TRPC4: variants seen among roughly 807,000 people sequenced by gnomAD.
TRPC4 encodes transient receptor potential cation channel subfamily C member 4.
A neutral mutation model predicts 99.4 loss-of-function variants in TRPC4; 49 were observed. The ratio of observed to expected loss-of-function variants is 0.49; its 90% CI spans 0.39 to 0.63. TRPC4 has a LOEUF of 0.63. Among genes scored for constraint, TRPC4 ranks in the 20% least tolerant of loss-of-function variants. TRPC4 has a pLI of 0.00. For synonymous variants in TRPC4, 454 were observed against 425.9 expected, an observed-to-expected ratio of 1.07 and a Z score of -0.81; for missense variants, 898 against 1,152.9, an observed-to-expected ratio of 0.78 and a Z score of 3.20.
At chr13:37,806,722 C>T (rs907062744) in intron 1 of TRPC4, among the ~76,000 whole-genome samples, 6 of 151,954 alleles carry the variant, frequency 3.9e-5, no homozygotes, top group African/African-American at 1.4e-4. Flanking sequence ...GAGTAGTCTT[C>T]GAAGCAAAAC....
chr13:37,683,866 G>A (rs1490861902), intron 4 of TRPC4, among the ~76,000 whole-genome samples: 1 of 152,130 alleles, frequency 6.6e-6, no homozygotes, highest in East Asian at 1.9e-4. Context: ...AGATCTTTAA[G>A]CTTATAAAAT....
chr13:37,719,246 G>C (rs989034237), intron 3 of TRPC4, among the ~76,000 whole-genome samples: 1 of 152,144 alleles, frequency 6.6e-6, no homozygotes, highest in Non-Finnish European at 1.5e-5. Context: ...TACGTTGGAG[G>C]CTGAGGTGGG....
chr13:37,659,752 T>C (rs934584129), intron 6 of TRPC4, among the ~76,000 whole-genome samples: 18 of 151,892 alleles, frequency 1.2e-4, no homozygotes, highest in Non-Finnish European at 2.1e-4. Flanking sequence ...GCCAAGATAA[T>C]AGGAGCAGGA....
intron 3 of TRPC4, among the ~76,000 whole-genome samples, chr13:37,699,455 G>T (rs1593538768): frequency 6.6e-6 from 1 of 152,102 alleles, no homozygotes; most frequent in East Asian, 1.9e-4. Context: ...AAGCATAAGG[G>T]AATACCAATA....
chr13:37,761,594 A>G (rs1201681337), intron 2 of TRPC4, among the ~76,000 whole-genome samples: 1 of 151,972 alleles, frequency 6.6e-6, no homozygotes. Flanking sequence ...CTGAAGAAAC[A>G]TATATCAAAG....
At chr13:37,858,308 T>C (rs1206777146) in intron 1 of TRPC4, among the ~76,000 whole-genome samples, 1 of 151,656 alleles carries the variant, frequency 6.6e-6, no homozygotes, top group Non-Finnish European at 1.5e-5. Flanking sequence ...CCCTCATACA[T>C]TGTGGGTGGG....
intron 3 of TRPC4, among the ~76,000 whole-genome samples, chr13:37,694,740 G>A (rs895315550): frequency 2.6e-5 from 4 of 152,128 alleles, no homozygotes; most frequent in Non-Finnish European, 4.4e-5. Context: ...GACACAGGGA[G>A]GTTTTTGCAG....
At chr13:37,752,354 T>C (rs1368449861) in intron 2 of TRPC4, among the ~76,000 whole-genome samples, 1 of 151,744 alleles carries the variant, frequency 6.6e-6, no homozygotes, top group East Asian at 2.0e-4. Flanking sequence ...TAGCGGATAG[T>C]TGGTATTCCA....
intron 3 of TRPC4, among the ~76,000 whole-genome samples, chr13:37,713,957 T>C (rs1954570127): frequency 6.6e-6 from 1 of 152,272 alleles, no homozygotes; most frequent in Admixed American, 6.5e-5. Context: ...TTTATCCCTA[T>C]GCATTCCCTT....
At chr13:37,716,776 G>C (rs1048321629) in intron 3 of TRPC4, among the ~76,000 whole-genome samples, 1 of 152,018 alleles carries the variant, frequency 6.6e-6, no homozygotes, top group Non-Finnish European at 1.5e-5. Flanking sequence ...GTCTCAACGA[G>C]CATGGTATTT....
intron 1 of TRPC4, among the ~76,000 whole-genome samples, chr13:37,865,636 T>C (rs1488099941): frequency 6.6e-6 from 1 of 151,756 alleles, no homozygotes; most frequent in East Asian, 1.9e-4. Context: ...AATGTTATAA[T>C]ATTTTTAAAA....
intron 4 of TRPC4, among the ~76,000 whole-genome samples, chr13:37,685,080 T>C (rs1383611953): frequency 6.6e-6 from 1 of 152,210 alleles, no homozygotes; most frequent in Non-Finnish European, 1.5e-5. Flanking sequence ...GAGTTTGGTA[T>C]GTTGGTAAAC....
At chr13:37,782,897 G>GA (rs1956876267) in intron 2 of TRPC4, 59 bp downstream of exon 2, 9 of 1,301,774 alleles carry the variant, frequency 6.9e-6, no homozygotes, top group South Asian at 2.2e-5. Context: ...AGAAAGAAAA[G>GA]AAAAAACAAA....
At chr13:37,712,641 G>A (rs1312753203) in intron 3 of TRPC4, among the ~76,000 whole-genome samples, 1 of 152,126 alleles carries the variant, frequency 6.6e-6, no homozygotes, top group Non-Finnish European at 1.5e-5. Flanking sequence ...TCAAGAGCAT[G>A]GGAGAATTGG....
rs144546270 is a variant in TRPC4 at position 37,636,513 on chromosome 13, A to C, written c.*390T>G. ...CTAAAGACCCTAAAAAATTATGAAAAGCTATAATATTTCAGCCACATTGGT... is the reference window on the plus strand; with the variant it reads ...CTAAAGACCCTAAAAAATTATGAAACGCTATAATATTTCAGCCACATTGGT... On this transcript the variant is annotated 3_prime_UTR_variant, in exon 11 of 11. Transcript: ENST00000379705. 5.8e-3 allele frequency: 913 copies of C among 156,666 alleles called. 13 individuals carry two copies. Among genetic ancestry groups the C allele is most frequent in the African/African-American group, 0.021 (870 of 41,678 alleles). 9.7% of individuals were successfully genotyped at this position (156,666 alleles called of 1,614,324 possible). A position where few individuals can be genotyped will look rare whatever the true frequency, so the allele number is the denominator to read the frequency against.
At chr13:37,834,557 A>T (rs1593286801) in intron 1 of TRPC4, among the ~76,000 whole-genome samples, 2 of 152,232 alleles carry the variant, frequency 1.3e-5, no homozygotes, top group Admixed American at 1.3e-4. Context: ...TTCCCAACTA[A>T]ATTCTGACAT....
chr13:37,841,712 G>T (rs953993271), intron 1 of TRPC4, among the ~76,000 whole-genome samples: 2 of 151,864 alleles, frequency 1.3e-5, no homozygotes, highest in African/African-American at 4.8e-5. Flanking sequence ...CTATAAAAAT[G>T]GCTAAAATAA....
chr13:37,816,191 G>A (rs1957849529), intron 1 of TRPC4, among the ~76,000 whole-genome samples: 1 of 151,800 alleles, frequency 6.6e-6, no homozygotes, highest in Non-Finnish European at 1.5e-5. Context: ...TTATATAATA[G>A]TAAAGGATTC....
chr13:37,728,361 CA>C (rs1955130576), intron 3 of TRPC4, among the ~76,000 whole-genome samples: 1 of 151,474 alleles, frequency 6.6e-6, no homozygotes, highest in Non-Finnish European at 1.5e-5. Context: ...AGTCAACTCA[CA>C]AAAATAAGTT....
Sources: allele counts gnomAD v4.1 joint callset (sites outside exome capture counted in the v4.1 genomes callset), GRCh38; gene constraint gnomAD v4.1.1; transcripts MANE v1.5; gene names NCBI Gene and HGNC (gene_info 2026-07-23, HGNC 2026-07-21).